The following SEMA3C variants were observed in gnomAD, a reference collection of about 807,000 sequenced individuals.
The protein encoded by SEMA3C is semaphorin-3C.
SEMA3C carries 47 observed loss-of-function variants against 89.4 expected under a neutral mutation model. The observed-to-expected ratio is 0.53, with a 90% confidence interval of 0.42 to 0.67. The LOEUF is 0.67. Ranked by LOEUF, SEMA3C falls within the 30% of genes least tolerant of loss-of-function variation. The probability of loss-of-function intolerance (pLI) is 0.00; values close to 1 mark genes in which losing one functional copy is unlikely to be tolerated. For synonymous variants in SEMA3C, 310 were observed against 320.2 expected (o/e 0.97, Z 0.34); for missense variants, 839 against 929.1 (o/e 0.90, Z 1.26).
Position 80,761,668 on chromosome 7 carries a change from A to C in SEMA3C, c.1444-11T>G. On this transcript the variant is annotated splice_polypyrimidine_tract_variant and intron_variant, in intron 13 of 17. Transcript: ENST00000265361. The stretch of plus-strand genomic sequence containing the variant: ...TATAGGAGCATGATTCTAAAATATT[A>C]GAAAACAACATGTTAGTTGCTCAAA... 1 of 1,318,922 alleles carries C rather than the reference A, an allele frequency of 7.6e-7. No homozygotes were observed. The highest frequency in any genetic ancestry group is 2.5e-5 in the East Asian group (1 of 39,388). The allele number at this position is 1,318,922 out of a possible 1,614,324, so 81.7% of individuals were successfully genotyped here.
In SEMA3C at chr7:80,761,609, T is replaced by C. The variant is rs776010387; in HGVS notation, c.1485+7A>G. 4.7e-6 allele frequency: 6 copies of C among 1,281,084 alleles called. No individual in the cohort carries two copies. Among genetic ancestry groups the C allele is most frequent in the Non-Finnish European group, 6.5e-6 (6 of 916,652 alleles). 79.4% of individuals were successfully genotyped at this position (1,281,084 alleles called of 1,614,324 possible). A position where few individuals can be genotyped will look rare whatever the true frequency, so the allele number is the denominator to read the frequency against. On this transcript the variant is annotated splice_region_variant and intron_variant, in intron 14 of 17. Coordinates refer to ENST00000265361, the MANE Select transcript of SEMA3C (RefSeq NM_006379.5). ...AAGCAAAGAACATAAAATAGCTTAGTTTTTACCTTTTTAGATGAAATTTTC... is the reference window on the plus strand; with the variant it reads ...AAGCAAAGAACATAAAATAGCTTAGCTTTTACCTTTTTAGATGAAATTTTC...
At chr7:80,887,550 A>C (rs894683400) in intron 2 of SEMA3C, among the ~76,000 whole-genome samples, 4 of 152,220 alleles carry the variant, frequency 2.6e-5, no homozygotes, top group African/African-American at 7.2e-5. Flanking sequence ...TATGTCTAAC[A>C]AATTACAGTA....
At chr7:80,796,025 T>A (rs924451205) in intron 11 of SEMA3C, among the ~76,000 whole-genome samples, 2 of 152,186 alleles carry the variant, frequency 1.3e-5, no homozygotes, top group Non-Finnish European at 1.5e-5. Context: ...CTTTTTAATA[T>A]CTTTATTTGA....
Position 80,918,939 on chromosome 7 carries a change from G to C in SEMA3C, c.-150C>G. On this transcript the variant is annotated 5_prime_UTR_variant, in exon 1 of 18. Transcript: ENST00000265361. ...ACCTTATTTTCTAGCACGTCGCAAA[G>C]GTGAAATTCTTTCTTCCCGGTCCTC... 1 of 985,434 alleles carries C rather than the reference G, an allele frequency of 1.0e-6. No homozygotes were observed. Among genetic ancestry groups the C allele is most frequent in the Non-Finnish European group, 1.2e-6 (1 of 829,938 alleles). 61.0% of individuals were successfully genotyped at this position (985,434 alleles called of 1,614,324 possible).
chr7:80,821,043 C>CA (rs1789734615), intron 4 of SEMA3C, among the ~76,000 whole-genome samples: 1 of 152,122 alleles, frequency 6.6e-6, no homozygotes, highest in South Asian at 2.1e-4. Flanking sequence ...CAACTATACT[C>CA]ATTTCATGTA....
In SEMA3C at chr7:80,853,939, A is replaced by G. The variant is rs191720864; in HGVS notation, c.104-25194T>C. On this transcript the variant is annotated intron_variant, in intron 2 of 17. Coordinates refer to ENST00000265361, the MANE Select transcript of SEMA3C (RefSeq NM_006379.5). ...GTGTATACACACCTGCTATGTACCC[A>G]TGAATATTAAAAATAAAAAAAATGT... 1.4e-4 allele frequency among the ~76,000 whole-genome samples: 22 copies of G among 152,040 alleles called. No homozygotes were observed. The East Asian group carries it at 2.5e-3, about 17-fold the overall frequency.
At chr7:80,796,095 G>A (rs946733107) in intron 11 of SEMA3C, among the ~76,000 whole-genome samples, 1 of 152,076 alleles carries the variant, frequency 6.6e-6, no homozygotes, top group Non-Finnish European at 1.5e-5. Flanking sequence ...CAAATCAACT[G>A]CTCCTGTACT....
intron 2 of SEMA3C, among the ~76,000 whole-genome samples, chr7:80,865,015 G>T (rs1421416396): frequency 6.6e-6 from 1 of 151,960 alleles, no homozygotes; most frequent in Admixed American, 6.6e-5. Flanking sequence ...TAAACGGTTT[G>T]TTTTATCACT....
chr7:80,773,869 C>A (rs12671126), intron 12 of SEMA3C, among the ~76,000 whole-genome samples: 1 of 152,010 alleles, frequency 6.6e-6, no homozygotes, highest in Non-Finnish European at 1.5e-5. Flanking sequence ...AGTTGCTACT[C>A]GCAAAAACTG....
chr7:80,920,439 G>A (rs145761506), upstream of SEMA3C, among the ~76,000 whole-genome samples: 322 of 152,228 alleles, frequency 2.1e-3, no homozygotes, highest in African/African-American at 7.2e-3. Context: ...CCCCTCTGGG[G>A]GTGCAAAATC....
Position 80,750,396 on chromosome 7 carries a change from A to T in SEMA3C, c.1711+873T>A, listed in dbSNP as rs912420799. Among the ~76,000 whole-genome samples the T allele has an allele frequency of 1.0e-4, 15 of 145,012 alleles. 1 individual carries two copies. The Admixed American group carries it at 1.0e-3, about 10-fold the overall frequency. On this transcript the variant is annotated intron_variant, in intron 16 of 17. Coordinates refer to ENST00000265361, the MANE Select transcript of SEMA3C (RefSeq NM_006379.5). Reference sequence around the variant, plus strand: ...AAACCAAGTGGCCAGTGATGGATGAATGGATAAACAAAATATGGCTTACCT... The same window carrying T: ...AAACCAAGTGGCCAGTGATGGATGATTGGATAAACAAAATATGGCTTACCT...
chr7:80,846,838 A>G (rs1203994682), intron 2 of SEMA3C, among the ~76,000 whole-genome samples: 4 of 152,212 alleles, frequency 2.6e-5, no homozygotes, highest in Non-Finnish European at 5.9e-5. Flanking sequence ...CTTATACATA[A>G]AGAAACTACA....
At chr7:80,905,820 G>A (rs1331530897) in intron 2 of SEMA3C, 11 of 1,270,862 alleles carry the variant, frequency 8.7e-6, no homozygotes, top group Non-Finnish European at 1.1e-5. Flanking sequence ...GTTGGCTTAT[G>A]CCACTTACTA....
At chr7:80,826,886 G>A (rs1583915558) in intron 4 of SEMA3C, among the ~76,000 whole-genome samples, 2 of 152,050 alleles carry the variant, frequency 1.3e-5, no homozygotes, top group Non-Finnish European at 2.9e-5. Context: ...CTCACCTAGA[G>A]GAATACAATT....
intron 2 of SEMA3C, among the ~76,000 whole-genome samples, chr7:80,847,772 A>T (rs1227124651): frequency 2.0e-5 from 3 of 152,184 alleles, no homozygotes; most frequent in Non-Finnish European, 4.4e-5. Context: ...GCAAGGTGTC[A>T]TTGTAGAAAG....
At chr7:80,749,693 T>G (rs1787881902) in intron 16 of SEMA3C, among the ~76,000 whole-genome samples, 1 of 152,290 alleles carries the variant, frequency 6.6e-6, no homozygotes, top group Middle Eastern at 3.4e-3. Context: ...TTTACATAGG[T>G]TTCTCAACGA....
At chr7:80,821,823 T>C (rs1293842891) in intron 4 of SEMA3C, among the ~76,000 whole-genome samples, 3 of 152,118 alleles carry the variant, frequency 2.0e-5, no homozygotes, top group Admixed American at 2.0e-4. Flanking sequence ...AGAGTTCTAG[T>C]TTTAATAAGT....
chr7:80,747,293 A>T (rs966978640), intron 17 of SEMA3C, among the ~76,000 whole-genome samples: 1 of 152,142 alleles, frequency 6.6e-6, no homozygotes, highest in African/African-American at 2.4e-5. Context: ...AATCCTTAAC[A>T]CATTCCATTT....
At chr7:80,813,358 A>C (rs1359980372) in intron 5 of SEMA3C, among the ~76,000 whole-genome samples, 1 of 152,182 alleles carries the variant, frequency 6.6e-6, no homozygotes, top group African/African-American at 2.4e-5. Context: ...GGCCTTTCAA[A>C]GATTCTCTTA....
Sources: allele counts gnomAD v4.1 joint callset (sites outside exome capture counted in the v4.1 genomes callset), GRCh38; gene constraint gnomAD v4.1.1; transcripts MANE v1.5; gene names NCBI Gene and HGNC (gene_info 2026-07-23, HGNC 2026-07-21).